SCRN1: variants seen among roughly 807,000 people sequenced by gnomAD.
The protein encoded by SCRN1 is secernin-1.
In SCRN1, 19 loss-of-function variants were observed where a neutral mutation model predicts 43.3. The observed-to-expected ratio is 0.44, with a 90% CI of 0.31 to 0.64. The LOEUF is 0.64. SCRN1 is among the 30% of genes least tolerant of loss of function. The pLI is 0.09. For missense variants in SCRN1, 447 were observed against 524.1 expected, an observed-to-expected ratio of 0.85 and a Z score of 1.44; for synonymous variants, 183 against 188.9, an observed-to-expected ratio of 0.97 and a Z score of 0.26.
intron 1 of SCRN1, among the ~76,000 whole-genome samples, chr7:29,973,268 A>G (rs563094225): frequency 6.6e-6 from 1 of 152,352 alleles, no homozygotes; most frequent in African/African-American, 2.4e-5. Context: ...TGAAAACACC[A>G]TGAGAGTGGC....
Position 29,950,095 on chromosome 7 carries a change from G to A in SCRN1, c.341+5084C>T, listed in dbSNP as rs1026136923. 6.6e-6 allele frequency among the ~76,000 whole-genome samples: 1 copy of A among 152,216 alleles called. No individual in the cohort carries two copies. Among genetic ancestry groups the A allele is most frequent in the Non-Finnish European group, 1.5e-5 (1 of 68,034 alleles). On this transcript the variant is annotated intron_variant, in intron 3 of 7. Coordinates refer to ENST00000242059, the MANE Select transcript of SCRN1 (RefSeq NM_014766.5). This position sits in a 1 kb window ranked among gnomAD's most constrained non-coding sequence, Gnocchi z 4.5. ...GAGCCCCATGCTCCCAGGCACAGCT[G>A]CAGCTGCTCTGGACCTGGGCATCCC...
At chr7:29,972,142 C>T (rs1038378073) in intron 1 of SCRN1, among the ~76,000 whole-genome samples, 4 of 152,078 alleles carry the variant, frequency 2.6e-5, no homozygotes, top group African/African-American at 9.7e-5. Context: ...AAATCAAATG[C>T]CTTTATAGAG....
At chr7:29,971,352 G>T (rs951354237) in intron 1 of SCRN1, among the ~76,000 whole-genome samples, 1 of 152,168 alleles carries the variant, frequency 6.6e-6, no homozygotes, top group Non-Finnish European at 1.5e-5. Flanking sequence ...TTATTTGCTG[G>T]CTGGGTGTGG....
rs541263927 is a variant in SCRN1 at position 29,922,152 on chromosome 7, T to C, written c.*1805A>G. The C allele has an allele frequency of 3.9e-5, 6 of 152,274 alleles. No individual in the cohort carries two copies. In the East Asian group the frequency reaches 1.2e-3, roughly 29 times the overall value. 9.4% of individuals were successfully genotyped at this position (152,274 alleles called of 1,614,324 possible). ...CCAGGCCAAACCTGCGTGAAGCTCTTAGCAGCTACAGGCCACCATTATTGG... is the reference window on the plus strand; with the variant it reads ...CCAGGCCAAACCTGCGTGAAGCTCTCAGCAGCTACAGGCCACCATTATTGG... On this transcript the variant is annotated 3_prime_UTR_variant, in exon 8 of 8. Transcript: ENST00000242059.
At chr7:29,980,154 G>A (rs1788953719) in intron 1 of SCRN1, among the ~76,000 whole-genome samples, 1 of 152,200 alleles carries the variant, frequency 6.6e-6, no homozygotes, top group Non-Finnish European at 1.5e-5. Context: ...TATGTAGAGT[G>A]TCAGGAATAG....
At chr7:29,959,491 A>G (rs1788238234) in intron 2 of SCRN1, among the ~76,000 whole-genome samples, 1 of 152,052 alleles carries the variant, frequency 6.6e-6, no homozygotes, top group Non-Finnish European at 1.5e-5. Flanking sequence ...CTGTCCTCCC[A>G]ATACCTGGGC....
chr7:29,988,737 C>G (rs950333148), intron 1 of SCRN1: 2 of 152,356 alleles, frequency 1.3e-5, no homozygotes, highest in Admixed American at 6.5e-5. Context: ...GACAGAAAAT[C>G]CAGAAAAGCC....
chr7:29,954,382 G>A (rs11770210), intron 3 of SCRN1, among the ~76,000 whole-genome samples: 25,462 of 151,796 alleles, frequency 0.17, 2,177 homozygotes, highest in African/African-American at 0.19. Context: ...CATTTAAACT[G>A]TACAGTTCAG....
intron 6 of SCRN1, among the ~76,000 whole-genome samples, chr7:29,929,719 A>G (rs1279830884): frequency 6.6e-6 from 1 of 152,228 alleles, no homozygotes; most frequent in Non-Finnish European, 1.5e-5. Context: ...ATCTGACTAC[A>G]GTGATCTCAA....
intron 3 of SCRN1, among the ~76,000 whole-genome samples, chr7:29,954,042 G>T (rs899328206): frequency 6.6e-6 from 1 of 152,110 alleles, no homozygotes; most frequent in African/African-American, 2.4e-5. Context: ...ACAAAAAAAG[G>T]CATTTCAGAA....
chr7:29,977,315 A>G (rs948795025), intron 1 of SCRN1, among the ~76,000 whole-genome samples: 2 of 152,206 alleles, frequency 1.3e-5, no homozygotes, highest in Non-Finnish European at 2.9e-5. Context: ...ACCACCTTCC[A>G]GAAAAGCAAA....
intron 7 of SCRN1, among the ~76,000 whole-genome samples, chr7:29,925,234 G>A (rs1015345312): frequency 2.6e-5 from 4 of 152,196 alleles, no homozygotes; most frequent in African/African-American, 4.8e-5. Flanking sequence ...CGACCTTTAC[G>A]TGTCAAATGG....
At chr7:29,977,513 C>CTAATTTTTAAT (rs1788869411) in intron 1 of SCRN1, among the ~76,000 whole-genome samples, 1 of 152,138 alleles carries the variant, frequency 6.6e-6, no homozygotes, top group Admixed American at 6.5e-5. Flanking sequence ...GATGTAAATG[C>CTAATTTTTAAT]CAGCTGATGA....
Position 29,965,600 on chromosome 7 carries a change from C to T in SCRN1, c.159+3309G>A, listed in dbSNP as rs762204577. Among the ~76,000 whole-genome samples, 2 of 152,070 alleles carry T rather than the reference C, an allele frequency of 1.3e-5. No individual in the cohort carries two copies. Among genetic ancestry groups the T allele is most frequent in the Non-Finnish European group, 2.9e-5 (2 of 68,026 alleles). Reference sequence around the variant, plus strand: ...GGGGAAATGAATTTGCTTTCTTACCCGTGAGGTTATTTCACCTGCAGAATA... The same window carrying T: ...GGGGAAATGAATTTGCTTTCTTACCTGTGAGGTTATTTCACCTGCAGAATA... On this transcript the variant is annotated intron_variant, in intron 2 of 7. Transcript: ENST00000242059. This position sits in a 1 kb window ranked among gnomAD's most constrained non-coding sequence, Gnocchi z 4.2.
upstream of SCRN1, chr7:29,990,280 T>C (rs1171387931): frequency 6.5e-7 from 1 of 1,549,654 alleles, no homozygotes; most frequent in South Asian, 1.2e-5. Context: ...TTGGACATTG[T>C]GGCCTAGAGA....
intron 2 of SCRN1, among the ~76,000 whole-genome samples, chr7:29,959,981 GAAGAAAGGA>G (rs1432696463): frequency 9.2e-6 from 1 of 109,254 alleles, no homozygotes; most frequent in Non-Finnish European, 1.7e-5. Context: ...GGGAGGGAAG[GAAGAAAGGA>G]AGGAAAGGAA....
At chr7:29,962,047 G>A (rs1182867409) in intron 2 of SCRN1, among the ~76,000 whole-genome samples, 1 of 151,856 alleles carries the variant, frequency 6.6e-6, no homozygotes, top group Non-Finnish European at 1.5e-5. Flanking sequence ...GTTTTTGCAT[G>A]TGTCCAGAGG....
rs1788462032 is a variant in SCRN1, at chr7:29,965,614, A to T, written c.159+3295T>A. Among the ~76,000 whole-genome samples, 1 of 152,148 alleles carries T rather than the reference A, an allele frequency of 6.6e-6. No homozygotes were observed. The highest frequency in any genetic ancestry group is 2.4e-5 in the African/African-American group (1 of 41,416). On this transcript the variant is annotated intron_variant, in intron 2 of 7. Coordinates refer to ENST00000242059, the MANE Select transcript of SCRN1 (RefSeq NM_014766.5). The surrounding 1 kb of genome is among the most constrained non-coding windows in gnomAD (Gnocchi z 4.2). ...GCTTTCTTACCCGTGAGGTTATTTC[A>T]CCTGCAGAATATGCAAGTGGGAACG...
chr7:29,931,829 C>A (rs1460163433), intron 6 of SCRN1, among the ~76,000 whole-genome samples: 2 of 152,144 alleles, frequency 1.3e-5, no homozygotes, highest in Admixed American at 6.5e-5. Flanking sequence ...CTCAAATAAA[C>A]CTGCAATACC....
Sources: allele counts gnomAD v4.1 joint callset (sites outside exome capture counted in the v4.1 genomes callset), GRCh38; gene constraint gnomAD v4.1.1; non-coding constraint Gnocchi (gnomAD v3.1); transcripts MANE v1.5; gene names NCBI Gene and HGNC (gene_info 2026-07-23, HGNC 2026-07-21).